The following TOPAZ1 variants were observed in gnomAD, a reference collection of about 807,000 sequenced individuals.
The protein encoded by TOPAZ1 is protein TOPAZ1.
A neutral mutation model predicts 172.2 loss-of-function variants in TOPAZ1; 66 were observed. That is an observed-to-expected ratio of 0.38 (90% CI 0.31 to 0.47). The LOEUF is 0.47. TOPAZ1 is among the 20% of genes least tolerant of loss of function. TOPAZ1 has a pLI of 0.99. For missense variants in TOPAZ1, 1,822 were observed against 1,972.4 expected, an observed-to-expected ratio of 0.92 and a Z score of 1.44; for synonymous variants, 681 against 683.9, an observed-to-expected ratio of 1.00 and a Z score of 0.07.
At chr3:44,264,990 C>A (rs1699814489) in intron 5 of TOPAZ1, among the ~76,000 whole-genome samples, 1 of 152,168 alleles carries the variant, frequency 6.6e-6, no homozygotes, top group Non-Finnish European at 1.5e-5. Flanking sequence ...AAGTGTTTAA[C>A]CCCTGAAAGT....
rs1176881211 is a variant in TOPAZ1 at position 44,255,668 on chromosome 3, TATACAC to T, written c.2828-481_2828-476del. ...CTCTGTCTCAAAAAAAAAAAATATA[TATACAC>T]ACACACACACACACACACACACACA... On this transcript the variant is annotated intron_variant, in intron 3 of 19. Transcript: ENST00000309765. 4.0e-4 allele frequency among the ~76,000 whole-genome samples: 12 copies of T among 30,312 alleles called. 1 individual carries two copies. Among genetic ancestry groups the T allele is most frequent in the South Asian group, 1.6e-3 (1 of 628 alleles). 19.9% of individuals were successfully genotyped at this position (30,312 alleles called of 152,430 possible).
intron 16 of TOPAZ1, among the ~76,000 whole-genome samples, chr3:44,315,591 C>CA (rs1700443153): frequency 2.0e-5 from 3 of 149,268 alleles, no homozygotes; most frequent in Admixed American, 6.7e-5. Context: ...AGGCTGGTCT[C>CA]AAACTGCTGG....
intron 15 of TOPAZ1, 125 bp downstream of exon 15, chr3:44,306,551 A>C (rs1480223695): frequency 1.9e-6 from 1 of 534,426 alleles, no homozygotes; most frequent in African/African-American, 1.9e-5. Flanking sequence ...ATAAAGTGGG[A>C]CCCAGACTAG....
At chr3:44,321,268 C>T (rs1171224611) in intron 17 of TOPAZ1, 77 bp downstream of exon 17, 11 of 1,046,840 alleles carry the variant, frequency 1.1e-5, no homozygotes, top group Non-Finnish European at 1.5e-5. Context: ...TAGTTATCCA[C>T]CTGTTTTGAT....
intron 9 of TOPAZ1, among the ~76,000 whole-genome samples, chr3:44,286,508 C>A (rs1004013780): frequency 1.1e-4 from 16 of 152,128 alleles, no homozygotes; most frequent in Admixed American, 1.0e-3. Flanking sequence ...ATTGTTATAC[C>A]ATATTATTAA....
intron 4 of TOPAZ1, among the ~76,000 whole-genome samples, chr3:44,260,246 C>T (rs886785137): frequency 6.6e-6 from 1 of 152,138 alleles, no homozygotes; most frequent in Non-Finnish European, 1.5e-5. Flanking sequence ...CTAATACATG[C>T]CCATTTGCCC....
At chr3:44,275,107 A>G (rs577525544) in intron 8 of TOPAZ1, among the ~76,000 whole-genome samples, 2 of 152,140 alleles carry the variant, frequency 1.3e-5, no homozygotes, top group Admixed American at 6.5e-5. Flanking sequence ...CATATACCCC[A>G]TAAATATGTA....
chr3:44,273,734 A>G (rs961387887), intron 8 of TOPAZ1, among the ~76,000 whole-genome samples: 1 of 152,244 alleles, frequency 6.6e-6, no homozygotes, highest in African/African-American at 2.4e-5. Context: ...GATAAGTAAG[A>G]TAGGTCCCAG....
intron 15 of TOPAZ1, among the ~76,000 whole-genome samples, chr3:44,307,277 C>A (rs1019756168): frequency 7.9e-5 from 12 of 152,154 alleles, no homozygotes; most frequent in Non-Finnish European, 1.6e-4. Context: ...CCGCCTCAGC[C>A]TCCCAAAGTG....
intron 12 of TOPAZ1, among the ~76,000 whole-genome samples, chr3:44,296,160 G>A (rs1418260069): frequency 6.6e-6 from 1 of 152,096 alleles, no homozygotes; most frequent in Non-Finnish European, 1.5e-5. Flanking sequence ...TGAACTGTTA[G>A]AACTGAATAA....
Position 44,321,027 on chromosome 3 carries a change from A to C in TOPAZ1, c.4307A>C (p.Glu1436Ala), listed in dbSNP as rs1456841949. The C allele has an allele frequency of 6.5e-7, 1 of 1,541,130 alleles. No individual in the cohort carries two copies. The highest frequency in any genetic ancestry group is 8.8e-7 in the Non-Finnish European group (1 of 1,141,284). Reference sequence around the variant, plus strand: ...ATTCATATTTTTTTCTTTTTGGAAGAGTCAGAGTGGATAATCAATACGCCT... The same window carrying C: ...ATTCATATTTTTTTCTTTTTGGAAGCGTCAGAGTGGATAATCAATACGCCT... ...SLDGAIWVMRESEWIINTPLW... is the reference protein window; with the variant it reads ...SLDGAIWVMRASEWIINTPLW... Residue 1436 changes from glutamate to alanine, a missense_variant and splice_region_variant, in exon 17 of 20, where the codon GAG (glutamate) becomes GCG (alanine). This residue lies in a region of TOPAZ1 where 333 missense variants were observed against 481.7 expected (regional missense o/e 0.69). Transcript: ENST00000309765.
chr3:44,283,838 T>C (rs538833583), intron 9 of TOPAZ1, among the ~76,000 whole-genome samples: 15 of 152,352 alleles, frequency 9.8e-5, no homozygotes, highest in Non-Finnish European at 1.8e-4. Flanking sequence ...CCAAATAGTT[T>C]AATGCATATT....
At chr3:44,256,969 C>T (rs1189528051) in intron 4 of TOPAZ1, among the ~76,000 whole-genome samples, 1 of 151,990 alleles carries the variant, frequency 6.6e-6, no homozygotes, top group African/African-American at 2.4e-5. Flanking sequence ...CTTTTACTTC[C>T]ACTATATGTG....
At chr3:44,242,768 G>C (rs1699500883) in intron 1 of TOPAZ1, 85 bp from the exon 2 acceptor site, 1 of 1,083,214 alleles carries the variant, frequency 9.2e-7, no homozygotes, top group Non-Finnish European at 1.3e-6. Flanking sequence ...AAAAATGATA[G>C]CCTCACAATT....
rs141061824 is a variant in TOPAZ1, at chr3:44,262,760, A to G, written c.3020+277A>G. ...AAAAAATGATGTATGTTTGACTTTT[A>G]TGAAGATATGAGTGGCTGAAATCAG... is the stretch of plus-strand genomic sequence containing the variant. On this transcript the variant is annotated intron_variant, in intron 5 of 19. Transcript: ENST00000309765. Among the ~76,000 whole-genome samples, 315 of 152,362 alleles carry G rather than the reference A, an allele frequency of 2.1e-3. 1 individual carries two copies. The highest frequency in any genetic ancestry group is 6.4e-3 in the African/African-American group (267 of 41,582).
chr3:44,317,431 A>T (rs1210938706), intron 16 of TOPAZ1, among the ~76,000 whole-genome samples: 3 of 152,218 alleles, frequency 2.0e-5, no homozygotes, highest in African/African-American at 4.8e-5. Flanking sequence ...AAAAAAATAA[A>T]TAAAAATAAA....
At chr3:44,301,047 T>C (rs1191761255) in intron 12 of TOPAZ1, among the ~76,000 whole-genome samples, 1 of 152,202 alleles carries the variant, frequency 6.6e-6, no homozygotes. Context: ...ACACAGTGCA[T>C]ACATTTCATT....
downstream of TOPAZ1, among the ~76,000 whole-genome samples, chr3:44,334,904 T>A (rs1700706683): frequency 6.6e-6 from 1 of 152,210 alleles, no homozygotes; most frequent in African/African-American, 2.4e-5. Context: ...CTACAGACTT[T>A]TCTAGTGCTG....
At chr3:44,251,938 A>C (rs796895780) in intron 2 of TOPAZ1, among the ~76,000 whole-genome samples, 2 of 152,290 alleles carry the variant, frequency 1.3e-5, no homozygotes, top group African/African-American at 4.8e-5. Flanking sequence ...TATTTGTATA[A>C]GTTACAATTT....
Sources: gnomAD v4.1 joint callset for allele counts (sites outside exome capture counted in the v4.1 genomes callset) on GRCh38, gnomAD v4.1.1 for gene constraint, gnomAD v4.1.1 regional missense constraint, MANE v1.5 for transcripts, NCBI Gene and HGNC (gene_info 2026-07-23, HGNC 2026-07-21) for gene names.